Variants in HEG1 observed in about 807,000 individuals in gnomAD.
HEG1 encodes the protein heart development protein with EGF like domains 1.
HEG1 carries 56 observed loss-of-function variants against 125.6 expected under a neutral mutation model. The ratio of observed to expected loss-of-function variants is 0.45; its 90% CI spans 0.36 to 0.56. HEG1 has a LOEUF of 0.56. HEG1 is among the 20% of genes least tolerant of loss of function. The pLI is 0.00. For synonymous variants in HEG1, 644 were observed against 668.5 expected, an observed-to-expected ratio of 0.96 and a Z score of 0.57; for missense variants, 1,523 against 1,670.0, an observed-to-expected ratio of 0.91 and a Z score of 1.53.
intron 14 of HEG1, among the ~76,000 whole-genome samples, chr3:124,986,112 A>G (rs1936734470): frequency 6.6e-6 from 1 of 152,196 alleles, no homozygotes; most frequent in Non-Finnish European, 1.5e-5. Context: ...AAGGACTGAA[A>G]TCTGGGCACA....
At chr3:124,990,881 A>G in intron 13 of HEG1, 57 bp from the exon 14 acceptor site, 4 of 1,553,838 alleles carry the variant, frequency 2.6e-6, no homozygotes, top group Non-Finnish European at 3.5e-6. Context: ...AAAAGAAATA[A>G]GTGAGGCAAT....
chr3:124,990,841 A>T lies in HEG1; in HGVS notation c.3696-17T>A. ...AATGGGCAACTGCAAGCCAAGAAAGAAAAAAGGGCAAGAATTAGTTTCCAA... is the reference window on the plus strand; with the variant it reads ...AATGGGCAACTGCAAGCCAAGAAAGTAAAAAGGGCAAGAATTAGTTTCCAA... On this transcript the variant is annotated splice_polypyrimidine_tract_variant and intron_variant, in intron 13 of 16. Coordinates refer to ENST00000311127, the MANE Select transcript of HEG1 (RefSeq NM_020733.2). 1 of 1,560,788 alleles carries T rather than the reference A, an allele frequency of 6.4e-7. No individual in the cohort carries two copies. The highest frequency in any genetic ancestry group is 8.7e-7 in the Non-Finnish European group (1 of 1,151,564).
intron 5 of HEG1, among the ~76,000 whole-genome samples, chr3:125,017,870 A>C (rs1240156418): frequency 2.6e-5 from 4 of 151,570 alleles, no homozygotes; most frequent in African/African-American, 9.7e-5. Context: ...AATATAAAAA[A>C]AAAAAAAAAT....
rs141835037 is a variant in HEG1 at position 124,988,933 on chromosome 3, A to G, written c.3733+1854T>C. 8.6e-3 allele frequency among the ~76,000 whole-genome samples: 1,317 copies of G among 152,262 alleles called. 16 individuals are homozygous for G. The highest frequency in any genetic ancestry group is 0.03 in the African/African-American group (1,237 of 41,536). On this transcript the variant is annotated intron_variant, in intron 14 of 16. Transcript: ENST00000311127. The stretch of plus-strand genomic sequence containing the variant: ...TCCATCTCAAAAACACAGAAAAACA[A>G]ATATCAATTCTGTGAGTCCCTCCCT...
Position 124,980,301 on chromosome 3 carries a change from T to C in HEG1, c.3734-2355A>G, listed in dbSNP as rs76367606. On this transcript the variant is annotated intron_variant, in intron 14 of 16. Transcript: ENST00000311127. ...AAAAACCCTCTGTGGCTCCCTTTTT[T>C]CCTAAAGACCAGAGTCTGGCTCCTG... Among the ~76,000 whole-genome samples, 516 of 152,314 alleles carry C rather than the reference T, an allele frequency of 3.4e-3. 2 individuals are homozygous for C. The highest frequency in any genetic ancestry group is 5.4e-3 in the Non-Finnish European group (367 of 68,040).
Position 125,039,467 on chromosome 3 carries a change from C to T in HEG1, c.317-9979G>A, listed in dbSNP as rs77474845. On this transcript the variant is annotated intron_variant, in intron 1 of 16. Coordinates refer to ENST00000311127, the MANE Select transcript of HEG1 (RefSeq NM_020733.2). Reference sequence around the variant, plus strand: ...TCCTGGAGGGTCCACCCCACCCCCACACCTCAGCCTCAACCCCCGCAGCGG... The same window carrying T: ...TCCTGGAGGGTCCACCCCACCCCCATACCTCAGCCTCAACCCCCGCAGCGG... Among the ~76,000 whole-genome samples the T allele has an allele frequency of 8.6e-3, 1,305 of 152,204 alleles. 25 individuals carry two copies. Among genetic ancestry groups the T allele is most frequent in the Middle Eastern group, 0.031 (9 of 294 alleles).
chr3:125,048,047 G>A (rs1336052451), intron 1 of HEG1, among the ~76,000 whole-genome samples: 1 of 152,128 alleles, frequency 6.6e-6, no homozygotes, highest in Admixed American at 6.5e-5. Context: ...AGGGTCTTCA[G>A]TGAGGTCAGA....
intron 9 of HEG1, among the ~76,000 whole-genome samples, chr3:125,002,601 A>T (rs1247196354): frequency 2.6e-5 from 4 of 152,228 alleles, no homozygotes; most frequent in African/African-American, 9.6e-5. Context: ...TCAAAGAAGC[A>T]GCTCTCTTTT....
chr3:125,054,999 G>A (rs879798985), intron 1 of HEG1, among the ~76,000 whole-genome samples: 1 of 152,180 alleles, frequency 6.6e-6, no homozygotes, highest in African/African-American at 2.4e-5. Context: ...GGAGGCTCAG[G>A]GATGGTCCTG....
At position 125,012,730 on chromosome 3, in the gene HEG1, G is replaced by A; in HGVS notation, c.2849C>T (p.Pro950Leu). Residue 950 changes from proline (P) to leucine (L), a missense_variant, in exon 6 of 17, where the codon CCC becomes CTC. Physicochemically the swap from Pro to Leu is moderately conservative, Grantham distance 98 (BLOSUM62 -3). Coordinates refer to ENST00000311127, the MANE Select transcript of HEG1 (RefSeq NM_020733.2). ...AGCCGTGGAAACAACTGTGGTTTGG[G>A]GAGAAGGAGATGTTCCGAGGGAACG... Reference protein sequence around the residue: ...ASRSLGTSPSPQTTVVSTAED... With the variant: ...ASRSLGTSPSLQTTVVSTAED... 1.2e-6 allele frequency: 2 copies of A among 1,614,000 alleles called. No individual in the cohort carries two copies. Among genetic ancestry groups the A allele is most frequent in the Non-Finnish European group, 1.7e-6 (2 of 1,179,890 alleles).
intron 1 of HEG1, among the ~76,000 whole-genome samples, chr3:125,054,789 G>T (rs558038348): frequency 2.8e-4 from 43 of 152,356 alleles, no homozygotes; most frequent in Non-Finnish European, 5.4e-4. Flanking sequence ...TGGAGAAAGT[G>T]AGCGCAAAGA....
chr3:125,015,579 A>G (rs1937233091), intron 5 of HEG1, among the ~76,000 whole-genome samples: 3 of 152,188 alleles, frequency 2.0e-5, no homozygotes, highest in Admixed American at 1.3e-4. Flanking sequence ...CATGTGTTTT[A>G]TTCTATTGAT....
intron 3 of HEG1, 90 bp from the exon 4 acceptor site, chr3:125,021,220 T>C (rs1937331875): frequency 1.0e-6 from 1 of 996,054 alleles, no homozygotes; most frequent in African/African-American, 1.6e-5. Flanking sequence ...TTCTTACATT[T>C]TGGTGGATAC....
At chr3:125,026,373 C>G (rs1937414736) in intron 3 of HEG1, among the ~76,000 whole-genome samples, 1 of 152,100 alleles carries the variant, frequency 6.6e-6, no homozygotes, top group Non-Finnish European at 1.5e-5. Flanking sequence ...ATTAGATGAC[C>G]TGCTATGATG....
intron 1 of HEG1, among the ~76,000 whole-genome samples, chr3:125,033,638 T>C (rs193188671): frequency 2.2e-3 from 330 of 152,314 alleles, no homozygotes; most frequent in Non-Finnish European, 3.9e-3. Flanking sequence ...CCTGGGAATG[T>C]ACTAAAACCC....
At chr3:125,037,226 CTA>C (rs1937555586) in intron 1 of HEG1, among the ~76,000 whole-genome samples, 1 of 152,246 alleles carries the variant, frequency 6.6e-6, no homozygotes, top group Admixed American at 6.5e-5. Flanking sequence ...AAAAATATAT[CTA>C]TGACAAATTG....
chr3:124,977,522 C>A (rs1449983238), intron 15 of HEG1, among the ~76,000 whole-genome samples: 1 of 152,178 alleles, frequency 6.6e-6, no homozygotes, highest in Non-Finnish European at 1.5e-5. Flanking sequence ...CCCATATTTG[C>A]AAGTATGGGT....
chr3:125,015,326 T>C (rs983867576), intron 5 of HEG1, among the ~76,000 whole-genome samples: 3 of 152,072 alleles, frequency 2.0e-5, no homozygotes, highest in Admixed American at 6.6e-5. Flanking sequence ...TTGGTAGTGG[T>C]GGTGAGGAGG....
intron 12 of HEG1, among the ~76,000 whole-genome samples, chr3:124,996,535 C>A (rs1262706438): frequency 2.0e-5 from 3 of 152,206 alleles, no homozygotes; most frequent in Non-Finnish European, 2.9e-5. Context: ...CTAGGCCCAA[C>A]ACAGAGAGTT....
Sources: gnomAD v4.1 joint callset for allele counts (sites outside exome capture counted in the v4.1 genomes callset) on GRCh38, gnomAD v4.1.1 for gene constraint, MANE v1.5 for transcripts, NCBI Gene and HGNC (gene_info 2026-07-23, HGNC 2026-07-21) for gene names.